VWA3B: variants seen among roughly 807,000 people sequenced by gnomAD.
VWA3B encodes the protein von Willebrand factor A domain containing 3B, also known as von Willebrand factor A domain-containing protein 3B.
Under a neutral mutation model 158.3 loss-of-function variants are expected in VWA3B, and 138 were observed. The ratio of observed to expected loss-of-function variants is 0.87; its 90% CI spans 0.76 to 1.00. VWA3B has a LOEUF of 1.00. Ranked by LOEUF, VWA3B falls within the 50% of genes least tolerant of loss-of-function variation. The probability of loss-of-function intolerance (pLI) is 0.00; values close to 1 mark genes in which losing one functional copy is unlikely to be tolerated. For synonymous variants in VWA3B, 596 were observed against 587.3 expected, an observed-to-expected ratio of 1.01 and a Z score of -0.21; for missense variants, 1,555 against 1,565.1, an observed-to-expected ratio of 0.99 and a Z score of 0.11.
At chr2:98,210,054 G>A (rs549717948) in intron 12 of VWA3B, among the ~76,000 whole-genome samples, 1 of 152,260 alleles carries the variant, frequency 6.6e-6, no homozygotes, top group African/African-American at 2.4e-5. Flanking sequence ...CTGGGATGGG[G>A]AGCAGACCAC....
intron 12 of VWA3B, chr2:98,206,785 G>C: frequency 2.7e-6 from 1 of 366,568 alleles, no homozygotes; most frequent in Non-Finnish European, 5.3e-6. Context: ...TGACAAGATT[G>C]TACCCATCAT....
At chr2:98,175,849 T>C (rs568041686) in intron 8 of VWA3B, among the ~76,000 whole-genome samples, 6 of 152,332 alleles carry the variant, frequency 3.9e-5, no homozygotes, top group Admixed American at 6.5e-5. Context: ...AGAATGTTGG[T>C]GGGTTACCAT....
chr2:98,177,976 GA>G (rs1052516397), intron 8 of VWA3B, among the ~76,000 whole-genome samples: 2 of 151,352 alleles, frequency 1.3e-5, no homozygotes, highest in South Asian at 4.2e-4. Context: ...TATTGATCAG[GA>G]AAAAAAAGGG....
chr2:98,106,924 T>C (rs560535391), intron 2 of VWA3B, among the ~76,000 whole-genome samples: 26 of 152,340 alleles, frequency 1.7e-4, no homozygotes, highest in African/African-American at 6.0e-4. Flanking sequence ...AGAGTGGATG[T>C]CCTTGCACTG....
intron 12 of VWA3B, among the ~76,000 whole-genome samples, chr2:98,208,462 G>T (rs1027106026): frequency 6.6e-6 from 1 of 151,848 alleles, no homozygotes; most frequent in Non-Finnish European, 1.5e-5. Context: ...CTTCCTATGG[G>T]TTATTTGAGC....
At chr2:98,132,549 C>A (rs1675959600) in intron 6 of VWA3B, among the ~76,000 whole-genome samples, 2 of 152,250 alleles carry the variant, frequency 1.3e-5, no homozygotes, top group African/African-American at 2.4e-5. Flanking sequence ...TGAGTTGCTT[C>A]TGCACAAGCG....
chr2:98,325,046 C>T, the VWA3B span, among the ~76,000 whole-genome samples: 1 of 152,208 alleles, frequency 6.6e-6, no homozygotes, highest in East Asian at 1.9e-4. Flanking sequence ...ACTTCAGAAA[C>T]TGTGGGGAAA....
chr2:98,169,743 G>A (rs990190186), intron 8 of VWA3B, among the ~76,000 whole-genome samples: 38 of 151,862 alleles, frequency 2.5e-4, no homozygotes, highest in African/African-American at 8.9e-4. Flanking sequence ...GTGTGTGTGT[G>A]TGTGTGTGTG....
intron 7 of VWA3B, among the ~76,000 whole-genome samples, chr2:98,148,872 G>A (rs1251837073): frequency 6.6e-6 from 1 of 152,134 alleles, no homozygotes; most frequent in South Asian, 2.1e-4. Flanking sequence ...ACCATGATTT[G>A]TTTTTCCACC....
intron 12 of VWA3B, among the ~76,000 whole-genome samples, chr2:98,194,852 T>C (rs1052224295): frequency 3.3e-5 from 5 of 152,190 alleles, no homozygotes; most frequent in African/African-American, 4.8e-5. Context: ...AACGGTATAT[T>C]GCAGCCATTC....
At position 98,115,638 on chromosome 2, in the gene VWA3B, T is replaced by G; in HGVS notation, c.197-14T>G. ...GTACTACTGTTTTGATTGTTTTTCT[T>G]TATAAAAATGCAGATTATGTGGCGT... is the stretch of plus-strand genomic sequence containing the variant. On this transcript the variant is annotated splice_polypyrimidine_tract_variant and intron_variant, in intron 2 of 27. Coordinates refer to ENST00000477737, the MANE Select transcript of VWA3B (RefSeq NM_144992.5). 1 of 1,610,696 alleles carries G rather than the reference T, an allele frequency of 6.2e-7. No homozygotes were observed. Among genetic ancestry groups the G allele is most frequent in the Non-Finnish European group, 8.5e-7 (1 of 1,177,384 alleles).
rs1212074810 is a variant in VWA3B, at chr2:98,188,078, G to T, written c.1415G>T (p.Cys472Phe). The T allele has an allele frequency of 6.2e-7, 1 of 1,613,870 alleles. No individual in the cohort carries two copies. Among genetic ancestry groups the T allele is most frequent in the African/African-American group, 1.3e-5 (1 of 74,910 alleles). The change falls in exon 10 of 28, where the codon TGC becomes TTC. Residue 472 changes from cysteine (C) to phenylalanine (F), a missense_variant. Coordinates refer to ENST00000477737, the MANE Select transcript of VWA3B (RefSeq NM_144992.5). Reference protein sequence around the residue: ...LVHVNITKEKCKWYSERIHTA... With the variant: ...LVHVNITKEKFKWYSERIHTA... Reference sequence around the variant, plus strand: ...CACGTCAACATTACCAAAGAGAAGTGCAAGTGGTACAGTGAGAGAATCCAC... The same window carrying T: ...CACGTCAACATTACCAAAGAGAAGTTCAAGTGGTACAGTGAGAGAATCCAC...
At chr2:98,265,278 G>A (rs1339430020) in intron 21 of VWA3B, among the ~76,000 whole-genome samples, 1 of 150,716 alleles carries the variant, frequency 6.6e-6, no homozygotes, top group East Asian at 2.0e-4. Flanking sequence ...CCACCTGTGA[G>A]TGAGAATATG....
chr2:98,212,259 C>T (rs570231690), intron 13 of VWA3B: 1 of 373,292 alleles, frequency 2.7e-6, no homozygotes, highest in East Asian at 4.1e-5. Flanking sequence ...GTGTGACACA[C>T]ACCCCTAGCC....
chr2:98,190,257 T>C (rs534578761), intron 10 of VWA3B, among the ~76,000 whole-genome samples: 1 of 152,274 alleles, frequency 6.6e-6, no homozygotes, highest in East Asian at 1.9e-4. Context: ...ATCTTATCAG[T>C]CACCCTACAA....
chr2:98,123,574 G>A (rs1341260404), intron 5 of VWA3B, among the ~76,000 whole-genome samples: 1 of 152,202 alleles, frequency 6.6e-6, no homozygotes, highest in African/African-American at 2.4e-5. Flanking sequence ...TGAAATGCTG[G>A]CTCGACACAT....
the VWA3B span, among the ~76,000 whole-genome samples, chr2:98,321,465 C>G: frequency 2.3e-4 from 35 of 152,190 alleles, no homozygotes; most frequent in Non-Finnish European, 4.8e-4. Flanking sequence ...ATAAAAGCAA[C>G]CAGAAATGGG....
At position 98,267,419 on chromosome 2, in the gene VWA3B, C is replaced by G. The variant is rs180839129; in HGVS notation, c.2844-3263C>G. On this transcript the variant is annotated intron_variant, in intron 21 of 27. Coordinates refer to ENST00000477737, the MANE Select transcript of VWA3B (RefSeq NM_144992.5). ...ACCGCTCAACTACATGGAAACTGAA[C>G]AACCTGCTCCCGAATGACTACTGGG... Among the ~76,000 whole-genome samples the G allele has an allele frequency of 3.1e-3, 468 of 152,182 alleles. 6 individuals carry two copies. The highest frequency in any genetic ancestry group is 0.011 in the African/African-American group (437 of 41,486).
chr2:98,217,489 T>C (rs1158505589), intron 13 of VWA3B, among the ~76,000 whole-genome samples: 2 of 152,220 alleles, frequency 1.3e-5, no homozygotes, highest in Non-Finnish European at 2.9e-5. Flanking sequence ...CCATAGCATG[T>C]TGGAAGCTGG....
Sources: allele counts gnomAD v4.1 joint callset (sites outside exome capture counted in the v4.1 genomes callset), GRCh38; gene constraint gnomAD v4.1.1; transcripts MANE v1.5; gene names NCBI Gene and HGNC (gene_info 2026-07-23, HGNC 2026-07-21).